The following AUTS2 variants were observed in gnomAD, a reference collection of about 807,000 sequenced individuals.
AUTS2 encodes the protein activator of transcription and developmental regulator AUTS2.
Under a neutral mutation model 112.4 loss-of-function variants are expected in AUTS2, and 17 were observed. The ratio of observed to expected loss-of-function variants is 0.15; its 90% CI spans 0.10 to 0.23. The LOEUF (loss-of-function observed/expected upper bound fraction) is 0.23, where lower values mean the gene tolerates loss of function less well. Ranked by LOEUF, AUTS2 falls within the 10% of genes least tolerant of loss-of-function variation. The pLI is 1.00. For missense variants in AUTS2, 1,510 were observed against 1,701.6 expected (o/e 0.89, Z 1.98); for synonymous variants, 751 against 702.7 (o/e 1.07, Z -1.09).
At chr7:70,516,748 T>C (rs991127735) in intron 5 of AUTS2, among the ~76,000 whole-genome samples, 5 of 152,196 alleles carry the variant, frequency 3.3e-5, no homozygotes, top group African/African-American at 1.2e-4. Context: ...ACTGTACAAA[T>C]ATAACTTATT....
chr7:70,601,881 TTG>T (rs1803489710), intron 5 of AUTS2, among the ~76,000 whole-genome samples: 1 of 152,168 alleles, frequency 6.6e-6, no homozygotes, highest in Non-Finnish European at 1.5e-5. Flanking sequence ...CTCAGAGTGT[TTG>T]TAAAGACTGA....
At chr7:69,922,490 A>G (rs951683785) in intron 2 of AUTS2, among the ~76,000 whole-genome samples, 4 of 152,328 alleles carry the variant, frequency 2.6e-5, no homozygotes, top group Admixed American at 2.0e-4. Flanking sequence ...AGGCCCTGGT[A>G]TGTGGTATTG....
At chr7:69,738,700 A>G (rs893638735) in intron 1 of AUTS2, among the ~76,000 whole-genome samples, 4 of 152,094 alleles carry the variant, frequency 2.6e-5, no homozygotes, top group African/African-American at 9.7e-5. Context: ...TGCTTGCGTT[A>G]TACATGCTTA....
intron 5 of AUTS2, among the ~76,000 whole-genome samples, chr7:70,454,595 C>T (rs1328125849): frequency 2.6e-5 from 4 of 151,986 alleles, no homozygotes; most frequent in Admixed American, 6.6e-5. Flanking sequence ...TGATGTGGCC[C>T]GTAATAGTAA....
intron 4 of AUTS2, among the ~76,000 whole-genome samples, chr7:70,371,378 G>A (rs1792829693): frequency 6.6e-6 from 1 of 152,216 alleles, no homozygotes; most frequent in South Asian, 2.1e-4. Flanking sequence ...TGCATGCACT[G>A]ATCAGATAAC....
intron 11 of AUTS2, 29 bp downstream of exon 11, chr7:70,771,673 G>A: frequency 6.3e-7 from 1 of 1,593,332 alleles, no homozygotes; most frequent in Admixed American, 1.7e-5. Flanking sequence ...AAAACACACA[G>A]GCATGTGTCT....
chr7:70,302,300 G>A (rs1247122701), intron 4 of AUTS2, among the ~76,000 whole-genome samples: 1 of 152,038 alleles, frequency 6.6e-6, no homozygotes, highest in African/African-American at 2.4e-5. Context: ...GTATTCCCAG[G>A]AGGCTAGGGT....
At chr7:69,977,968 G>T (rs951842818) in intron 2 of AUTS2, among the ~76,000 whole-genome samples, 24 of 152,186 alleles carry the variant, frequency 1.6e-4, no homozygotes, top group African/African-American at 5.3e-4. Flanking sequence ...GATTTTAGTT[G>T]TACTTAGTGT....
intron 4 of AUTS2, among the ~76,000 whole-genome samples, chr7:70,179,679 T>C (rs1809193048): frequency 6.6e-6 from 1 of 152,196 alleles, no homozygotes; most frequent in South Asian, 2.1e-4. Context: ...GGCTCCTTCA[T>C]GTGAAAGTTG....
intron 1 of AUTS2, among the ~76,000 whole-genome samples, chr7:69,665,139 C>G (rs1256327429): frequency 3.3e-5 from 5 of 152,100 alleles, no homozygotes; most frequent in African/African-American, 1.2e-4. Flanking sequence ...TCACTCCTCC[C>G]TCTCCCCACT....
At chr7:70,665,612 TC>T (rs1252901765) in intron 5 of AUTS2, among the ~76,000 whole-genome samples, 3 of 152,118 alleles carry the variant, frequency 2.0e-5, no homozygotes, top group Admixed American at 6.5e-5. Flanking sequence ...GAAACACAAA[TC>T]TTTAGTGAGG....
rs1554368326 is a variant in AUTS2, at chr7:69,779,050, TAAAAAAAAAAAAAAAA to T, written c.310-120226_310-120211del. ...ACATAGTTGTGAGCCTTTTTTTTTTTAAAAAAAAAAAAAAAAAAAAAAAAAGAGTCTGGGTCTTGCT... is the reference window on the plus strand; with the variant it reads ...ACATAGTTGTGAGCCTTTTTTTTTTTAAAAAAAAAGAGTCTGGGTCTTGCT... On this transcript the variant is annotated intron_variant, in intron 1 of 18. Coordinates refer to ENST00000342771, the MANE Select transcript of AUTS2 (RefSeq NM_015570.4). 3.1e-3 allele frequency among the ~76,000 whole-genome samples: 265 copies of T among 86,594 alleles called. 2 individuals are homozygous for T. The highest frequency in any genetic ancestry group is 0.012 in the African/African-American group (255 of 20,932). 56.8% of individuals were successfully genotyped at this position (86,594 alleles called of 152,430 possible).
At chr7:69,636,953 G>C (rs978451197) in intron 1 of AUTS2, among the ~76,000 whole-genome samples, 2 of 152,086 alleles carry the variant, frequency 1.3e-5, no homozygotes, top group African/African-American at 4.8e-5. Flanking sequence ...TTTTAGTAGA[G>C]ACGGGGTTTC....
At chr7:70,653,016 A>G (rs1042221016) in intron 5 of AUTS2, among the ~76,000 whole-genome samples, 1 of 152,108 alleles carries the variant, frequency 6.6e-6, no homozygotes, top group African/African-American at 2.4e-5. Flanking sequence ...GCACTTTGGG[A>G]GGTCAAGAGA....
At chr7:70,639,948 G>A (rs1805726753) in intron 5 of AUTS2, among the ~76,000 whole-genome samples, 1 of 151,720 alleles carries the variant, frequency 6.6e-6, no homozygotes, top group Non-Finnish European at 1.5e-5. Flanking sequence ...AGTCTCTGTT[G>A]TGCTCTTCTG....
chr7:69,655,978 G>C (rs1480220788), intron 1 of AUTS2, among the ~76,000 whole-genome samples: 1 of 152,232 alleles, frequency 6.6e-6, no homozygotes, highest in East Asian at 1.9e-4. Flanking sequence ...CAAAGCCTTA[G>C]CAATGCTGCT....
At chr7:70,216,321 T>G (rs1177694078) in intron 4 of AUTS2, among the ~76,000 whole-genome samples, 1 of 152,252 alleles carries the variant, frequency 6.6e-6, no homozygotes, top group Admixed American at 6.5e-5. Context: ...GCCCTACTAC[T>G]TGCTTAATGT....
chr7:70,786,148 G>A (rs1791459679), intron 17 of AUTS2, 110 bp downstream of exon 17: 4 of 928,968 alleles, frequency 4.3e-6, no homozygotes, highest in Non-Finnish European at 6.6e-6. Flanking sequence ...GGGGGGACCA[G>A]TGTAGGTTAT....
chr7:70,668,222 G>A (rs2129543674), intron 5 of AUTS2, among the ~76,000 whole-genome samples: 1 of 152,326 alleles, frequency 6.6e-6, no homozygotes, highest in South Asian at 2.1e-4. Context: ...CAGATGATCT[G>A]CCTGCGTCAG....
Sources: gnomAD v4.1 joint callset for allele counts (sites outside exome capture counted in the v4.1 genomes callset) on GRCh38, gnomAD v4.1.1 for gene constraint, MANE v1.5 for transcripts, NCBI Gene and HGNC (gene_info 2026-07-23, HGNC 2026-07-21) for gene names.